The following MAP3K5 variants were observed in gnomAD, a reference collection of about 807,000 sequenced individuals.
MAP3K5 encodes mitogen-activated protein kinase kinase kinase 5, also known as ASK-1.
In MAP3K5, 56 loss-of-function variants were observed where a neutral mutation model predicts 158.7. That is an observed-to-expected ratio of 0.35 (90% CI 0.28 to 0.44). The LOEUF (loss-of-function observed/expected upper bound fraction) is 0.44, where lower values mean the gene tolerates loss of function less well. MAP3K5 is among the 20% of genes least tolerant of loss of function. The probability of loss-of-function intolerance (pLI) is 1.00; values close to 1 mark genes in which losing one functional copy is unlikely to be tolerated. For missense variants in MAP3K5, 1,294 were observed against 1,674.8 expected (o/e 0.77, Z 3.97); for synonymous variants, 579 against 601.7 (o/e 0.96, Z 0.55).
intron 16 of MAP3K5, 135 bp downstream of exon 16, chr6:136,614,024 G>C: frequency 1.3e-6 from 1 of 791,690 alleles, no homozygotes; most frequent in Non-Finnish European, 1.9e-6. Flanking sequence ...TAACAAACTG[G>C]AGGTAATGTC....
At position 136,656,422 on chromosome 6, in the gene MAP3K5, T is replaced by G; in HGVS notation, c.1565A>C (p.Lys522Thr). 1 of 1,604,574 alleles carries G rather than the reference T, an allele frequency of 6.2e-7. No homozygotes were observed. Among genetic ancestry groups the G allele is most frequent in the Non-Finnish European group, 8.5e-7 (1 of 1,176,300 alleles). Reference protein sequence around the residue: ...KSIVETILIYKHFVKLTTEQP... With the variant: ...KSIVETILIYTHFVKLTTEQP... Reference sequence around the variant, plus strand: ...TTCTGTGGTCAGTTTCACAAAATGCTTATATATTAAAATTGTCTCTACAAT... The same window carrying G: ...TTCTGTGGTCAGTTTCACAAAATGCGTATATATTAAAATTGTCTCTACAAT... Residue 522 changes from lysine to threonine, a missense_variant, in exon 10 of 30, where the codon AAG (lysine) becomes ACG (threonine). By Grantham distance (78) the Lys-to-Thr change is moderately conservative. This residue lies in a region of MAP3K5 where 690 missense variants were observed against 870.5 expected (regional missense o/e 0.79). Coordinates refer to ENST00000359015, the MANE Select transcript of MAP3K5 (RefSeq NM_005923.4).
intron 7 of MAP3K5, among the ~76,000 whole-genome samples, chr6:136,681,878 C>T (rs993521119): frequency 2.6e-5 from 4 of 152,012 alleles, no homozygotes; most frequent in Non-Finnish European, 5.9e-5. Flanking sequence ...AAGATCGTGC[C>T]ATTGCACTCC....
intron 7 of MAP3K5, among the ~76,000 whole-genome samples, chr6:136,689,790 G>A (rs1042738393): frequency 6.6e-6 from 1 of 152,118 alleles, no homozygotes; most frequent in African/African-American, 2.4e-5. Context: ...AGAAGTACAT[G>A]TGTATTAATT....
intron 14 of MAP3K5, among the ~76,000 whole-genome samples, chr6:136,623,227 T>C (rs1233657155): frequency 6.6e-6 from 1 of 152,212 alleles, no homozygotes; most frequent in Non-Finnish European, 1.5e-5. Flanking sequence ...TAGAATTGCT[T>C]CTCCAAAAGC....
At chr6:136,763,535 GA>G (rs1215820743) in intron 1 of MAP3K5, among the ~76,000 whole-genome samples, 4 of 152,068 alleles carry the variant, frequency 2.6e-5, no homozygotes, top group African/African-American at 4.8e-5. Flanking sequence ...TTTACAGAGG[GA>G]AAAAAAAGTT....
chr6:136,659,224 T>C lies in MAP3K5; in HGVS notation c.1521A>G (p.Pro507=), dbSNP rs759288317. The C allele has an allele frequency of 1.9e-6, 3 of 1,613,540 alleles. No individual in the cohort carries two copies. The highest frequency in any genetic ancestry group is 1.7e-5 in the Admixed American group (1 of 59,992). The change falls in exon 9 of 30, where the codon CCA becomes CCG. Residue 507 remains proline, a synonymous_variant. Transcript: ENST00000359015. ...ASEKLFKLKT[P]AWYLKSIVET... Reference sequence around the variant, plus strand: ...ATATAATAGCTAATTATTACCATGCTGGTGTCTTCAGTTTAAAAAGCTTTT... The same window carrying C: ...ATATAATAGCTAATTATTACCATGCCGGTGTCTTCAGTTTAAAAAGCTTTT...
Position 136,653,335 on chromosome 6 carries a change from T to C in MAP3K5, c.1681-2244A>G, listed in dbSNP as rs554546024. 2.6e-5 allele frequency among the ~76,000 whole-genome samples: 4 copies of C among 152,342 alleles called. No homozygotes were observed. In the East Asian group the frequency reaches 7.7e-4, roughly 29 times the overall value. The stretch of plus-strand genomic sequence containing the variant: ...CAGTTAATTCTTGGAGAAATGAGAA[T>C]GAATACAGTATTGAGATAAATAAAA... On this transcript the variant is annotated intron_variant, in intron 10 of 29. Transcript: ENST00000359015.
At chr6:136,595,757 C>T (rs917529448) in intron 21 of MAP3K5, among the ~76,000 whole-genome samples, 1 of 152,192 alleles carries the variant, frequency 6.6e-6, no homozygotes, top group African/African-American at 2.4e-5. Flanking sequence ...TGGCTCACGG[C>T]TGTAATCCCA....
chr6:136,701,734 C>T (rs536248210), intron 3 of MAP3K5, among the ~76,000 whole-genome samples: 2 of 152,072 alleles, frequency 1.3e-5, no homozygotes, highest in South Asian at 4.1e-4. Flanking sequence ...AGACAAGCAC[C>T]GTAACTCAAA....
chr6:136,702,824 T>G (rs1256175676), intron 3 of MAP3K5, among the ~76,000 whole-genome samples: 1 of 152,092 alleles, frequency 6.6e-6, no homozygotes, highest in Non-Finnish European at 1.5e-5. Context: ...GCCTCCCAAG[T>G]AACTGGGATT....
In MAP3K5 at chr6:136,669,315, T is replaced by C; in HGVS notation, c.1334A>G (p.Gln445Arg). 1 of 1,613,766 alleles carries C rather than the reference T, an allele frequency of 6.2e-7. No individual in the cohort carries two copies. The change falls in exon 8 of 30, where the codon CAG (glutamine) becomes CGG (arginine). Residue 445 changes from glutamine to arginine, a missense_variant. Physicochemically the swap from Gln to Arg is conservative, Grantham distance 43. Around this residue, in one of 5 missense-constraint regions of MAP3K5, gnomAD observed 690 missense variants for 870.5 expected, o/e 0.79. Coordinates refer to ENST00000359015, the MANE Select transcript of MAP3K5 (RefSeq NM_005923.4). ...YAVLLLAAGH[Q>R]FESSFELRKV... ...CCGGAGCTCAAAGGAAGATTCAAAC[T>C]GGTGTCCAGCTGCCAGGAGGAGGAC...
intron 2 of MAP3K5, among the ~76,000 whole-genome samples, chr6:136,706,343 A>AT (rs1781077075): frequency 6.6e-6 from 1 of 152,170 alleles, no homozygotes; most frequent in Non-Finnish European, 1.5e-5. Flanking sequence ...GAGATCATAC[A>AT]AATAATATAG....
At chr6:136,690,660 ATC>A (rs1245111517) in intron 7 of MAP3K5, among the ~76,000 whole-genome samples, 1 of 152,136 alleles carries the variant, frequency 6.6e-6, no homozygotes, top group African/African-American at 2.4e-5. Flanking sequence ...GCATTTTTTA[ATC>A]TCTTTTTCTT....
chr6:136,658,473 C>T (rs1004696592), intron 9 of MAP3K5, among the ~76,000 whole-genome samples: 3 of 152,004 alleles, frequency 2.0e-5, no homozygotes, highest in Non-Finnish European at 1.5e-5. Context: ...CGCGATCATG[C>T]CCAGCTAATT....
chr6:136,581,697 T>C (rs1774886172), intron 24 of MAP3K5, among the ~76,000 whole-genome samples: 1 of 152,188 alleles, frequency 6.6e-6, no homozygotes, highest in South Asian at 2.1e-4. Context: ...ATCGTACTAG[T>C]TGCACAGGAA....
chr6:136,666,134 T>C (rs532106047), intron 8 of MAP3K5, among the ~76,000 whole-genome samples: 1 of 152,304 alleles, frequency 6.6e-6, no homozygotes, highest in South Asian at 2.1e-4. Flanking sequence ...GGCTCTGTGT[T>C]TTTAAATCCT....
intron 2 of MAP3K5, among the ~76,000 whole-genome samples, chr6:136,709,736 T>C (rs1781229874): frequency 6.6e-6 from 1 of 152,232 alleles, no homozygotes; most frequent in East Asian, 1.9e-4. Context: ...AATGCATGCA[T>C]TTTAGATTAT....
intron 21 of MAP3K5, among the ~76,000 whole-genome samples, chr6:136,596,495 A>T (rs1219534749): frequency 6.6e-6 from 1 of 150,402 alleles, no homozygotes; most frequent in Non-Finnish European, 1.5e-5. Context: ...GATGTGGGGC[A>T]AAAAAAGGTG....
At chr6:136,766,119 T>C (rs978627904) in intron 1 of MAP3K5, among the ~76,000 whole-genome samples, 1 of 152,178 alleles carries the variant, frequency 6.6e-6, no homozygotes, top group Non-Finnish European at 1.5e-5. Context: ...CATAAAACCA[T>C]GGAAGCTGCA....
Sources: allele counts gnomAD v4.1 joint callset (sites outside exome capture counted in the v4.1 genomes callset), GRCh38; gene constraint gnomAD v4.1.1; regional missense constraint gnomAD v4.1.1; transcripts MANE v1.5; gene names NCBI Gene and HGNC (gene_info 2026-07-23, HGNC 2026-07-21).